RNF220: variants seen among roughly 807,000 people sequenced by gnomAD.
RNF220 encodes E3 ubiquitin-protein ligase RNF220.
In RNF220, 7 loss-of-function variants were observed where a neutral mutation model predicts 67.1. The ratio of observed to expected loss-of-function variants is 0.10; its 90% CI spans 0.06 to 0.20. RNF220 has a LOEUF of 0.20. Among genes scored for constraint, RNF220 ranks in the 10% least tolerant of loss-of-function variants. RNF220 has a pLI of 1.00. For missense variants in RNF220, 565 were observed against 740.3 expected, an observed-to-expected ratio of 0.76 and a Z score of 2.75; for synonymous variants, 270 against 283.2, an observed-to-expected ratio of 0.95 and a Z score of 0.47.
intron 2 of RNF220, 136 bp from the exon 3 acceptor site, chr1:44,614,029 G>A (rs1384383188): frequency 8.6e-7 from 1 of 1,163,118 alleles, no homozygotes. Flanking sequence ...CGTGGGCTCT[G>A]AAACCCTCAG....
At chr1:44,422,091 T>C (rs149906590) in intron 2 of RNF220, among the ~76,000 whole-genome samples, 18 of 152,334 alleles carry the variant, frequency 1.2e-4, no homozygotes, top group African/African-American at 3.8e-4. Flanking sequence ...TTCCCACATA[T>C]AGTCACAAAG....
chr1:44,438,843 A>T (rs1651254715), intron 2 of RNF220, among the ~76,000 whole-genome samples: 1 of 152,230 alleles, frequency 6.6e-6, no homozygotes, highest in Admixed American at 6.5e-5. Flanking sequence ...GTGTGTTTTG[A>T]TATAAGTAGG....
chr1:44,553,601 T>C (rs78861936), intron 2 of RNF220, among the ~76,000 whole-genome samples: 3,661 of 152,270 alleles, frequency 0.024, 153 homozygotes, highest in African/African-American at 0.083. Context: ...CTCTACACTC[T>C]GCCCATCAAC....
At chr1:44,438,719 T>C (rs1310087885) in intron 2 of RNF220, among the ~76,000 whole-genome samples, 1 of 152,228 alleles carries the variant, frequency 6.6e-6, no homozygotes, top group Admixed American at 6.5e-5. Flanking sequence ...TCCCGCTGGC[T>C]ATCTGCCATG....
rs1667312106 is a variant in RNF220 at position 44,606,959 on chromosome 1, C to T, written c.626-7206C>T. On this transcript the variant is annotated intron_variant, in intron 2 of 14. Coordinates refer to ENST00000361799, the MANE Select transcript of RNF220 (RefSeq NM_018150.4). The surrounding 1 kb of genome is among the most constrained non-coding windows in gnomAD (Gnocchi z 4.2). Reference sequence around the variant, plus strand: ...AGCTAAGTACATCCAAAACTCAACTCATTTTCTTCCTTACCAAGCTTGCTG... The same window carrying T: ...AGCTAAGTACATCCAAAACTCAACTTATTTTCTTCCTTACCAAGCTTGCTG... Among the ~76,000 whole-genome samples, 1 of 152,168 alleles carries T rather than the reference C, an allele frequency of 6.6e-6. No individual in the cohort carries two copies. Among genetic ancestry groups the T allele is most frequent in the South Asian group, 2.1e-4 (1 of 4,826 alleles).
chr1:44,542,132 G>A (rs1371047077), intron 2 of RNF220, among the ~76,000 whole-genome samples: 2 of 152,166 alleles, frequency 1.3e-5, no homozygotes, highest in Non-Finnish European at 1.5e-5. Flanking sequence ...CCAGCACTGG[G>A]CCAAGAACAG....
At chr1:44,519,788 G>A (rs1659760840) in intron 2 of RNF220, among the ~76,000 whole-genome samples, 1 of 152,202 alleles carries the variant, frequency 6.6e-6, no homozygotes, top group African/African-American at 2.4e-5. Context: ...AGTAGGATGT[G>A]TGAGGGGAAA....
chr1:44,617,787 G>C (rs1643623594), intron 3 of RNF220, among the ~76,000 whole-genome samples: 1 of 152,204 alleles, frequency 6.6e-6, no homozygotes, highest in African/African-American at 2.4e-5. Context: ...CTCACTTCCA[G>C]GGTCCTAGCA....
chr1:44,626,232 G>A, intron 4 of RNF220, 65 bp from the exon 5 acceptor site: 3 of 1,250,154 alleles, frequency 2.4e-6, no homozygotes, highest in Non-Finnish European at 3.5e-6. Context: ...ACAGGACTGG[G>A]AACTCTAGGG....
rs776512643 is a variant in RNF220 at position 44,644,790 on chromosome 1, C to A, written c.1219C>A (p.Pro407Thr). The A allele has an allele frequency of 6.2e-7, 1 of 1,613,016 alleles. No homozygotes were observed. The highest frequency in any genetic ancestry group is 8.5e-7 in the Non-Finnish European group (1 of 1,178,986). ...GGATGACACTCTGGAGTATGGGAAGCCACAGTATCCTTGGAGCACTATGGG... is the reference window on the plus strand; with the variant it reads ...GGATGACACTCTGGAGTATGGGAAGACACAGTATCCTTGGAGCACTATGGG... ...DGDDTLEYGK[P>T]QYTEADVIPC... The change falls in exon 9 of 15, where the codon CCA becomes ACA. Residue 407 changes from proline to threonine, a missense_variant. Transcript: ENST00000361799.
At chr1:44,474,079 A>AAAT (rs1238118820) in intron 2 of RNF220, among the ~76,000 whole-genome samples, 5 of 152,216 alleles carry the variant, frequency 3.3e-5, no homozygotes, top group East Asian at 3.9e-4. Flanking sequence ...AAAAATAAAA[A>AAAT]AATAATAATA....
chr1:44,506,328 C>T (rs975997164), intron 2 of RNF220, among the ~76,000 whole-genome samples: 3 of 152,204 alleles, frequency 2.0e-5, no homozygotes, highest in Admixed American at 6.5e-5. Context: ...TGGGAGAGAG[C>T]GATGGTCTTC....
At chr1:44,472,183 G>A (rs977762580) in intron 2 of RNF220, among the ~76,000 whole-genome samples, 1 of 152,076 alleles carries the variant, frequency 6.6e-6, no homozygotes, top group Non-Finnish European at 1.5e-5. Flanking sequence ...GCACATTGCT[G>A]TACAAGTTTT....
chr1:44,579,827 G>A (rs1170726563), intron 2 of RNF220, among the ~76,000 whole-genome samples: 1 of 151,880 alleles, frequency 6.6e-6, no homozygotes, highest in Non-Finnish European at 1.5e-5. Flanking sequence ...CCAGGAGTTT[G>A]AGACCAGCCT....
At chr1:44,577,766 G>A (rs1408246693) in intron 2 of RNF220, among the ~76,000 whole-genome samples, 1 of 152,070 alleles carries the variant, frequency 6.6e-6, no homozygotes, top group African/African-American at 2.4e-5. Flanking sequence ...AGGAGTTTGA[G>A]ACCCACCTGG....
intron 2 of RNF220, among the ~76,000 whole-genome samples, chr1:44,557,960 G>T (rs1328380780): frequency 6.6e-6 from 1 of 152,174 alleles, no homozygotes; most frequent in African/African-American, 2.4e-5. Flanking sequence ...AGAGTGCCAC[G>T]GCTGAGCCCT....
intron 2 of RNF220, among the ~76,000 whole-genome samples, chr1:44,479,314 C>T (rs900265558): frequency 6.6e-6 from 1 of 152,184 alleles, no homozygotes; most frequent in African/African-American, 2.4e-5. Context: ...GACAGGGTTT[C>T]ACCGTGCTAG....
intron 2 of RNF220, among the ~76,000 whole-genome samples, chr1:44,531,048 G>C (rs1222549824): frequency 6.6e-6 from 1 of 152,170 alleles, no homozygotes; most frequent in African/African-American, 2.4e-5. Context: ...AGAGATTTAC[G>C]TTTAGGGATT....
intron 7 of RNF220, 150 bp from the exon 8 acceptor site, chr1:44,635,880 C>A: frequency 7.2e-7 from 1 of 1,396,874 alleles, no homozygotes; most frequent in Non-Finnish European, 9.8e-7. Context: ...AGGTCTTTGA[C>A]CTCTAAATTG....
Sources: allele counts gnomAD v4.1 joint callset (sites outside exome capture counted in the v4.1 genomes callset), GRCh38; gene constraint gnomAD v4.1.1; non-coding constraint Gnocchi (gnomAD v3.1); transcripts MANE v1.5; gene names NCBI Gene and HGNC (gene_info 2026-07-23, HGNC 2026-07-21).